The following MCPH1 variants were observed in gnomAD, a reference collection of about 807,000 sequenced individuals.
MCPH1 encodes microcephalin 1, also known as microcephalin.
A neutral mutation model predicts 84.5 loss-of-function variants in MCPH1; 104 were observed. That is an observed-to-expected ratio of 1.23 (90% CI 1.05 to 1.45). The LOEUF (loss-of-function observed/expected upper bound fraction) is 1.45, where lower values mean the gene tolerates loss of function less well. Ranked by LOEUF, MCPH1 falls within the 40% of genes most tolerant of loss-of-function variation. The pLI, the probability that MCPH1 is intolerant of heterozygous loss-of-function variation, is 0.00. For missense variants in MCPH1, 1,498 were observed against 1,005.7 expected (o/e 1.49, Z -6.62); for synonymous variants, 514 against 366.8 (o/e 1.40, Z -4.58).
intron 12 of MCPH1, among the ~76,000 whole-genome samples, chr8:6,574,145 T>G (rs7833581): frequency 1.1e-4 from 16 of 152,166 alleles, no homozygotes; most frequent in Non-Finnish European, 1.8e-4. Flanking sequence ...CCTGCTGTAT[T>G]GGTTTGCTAA....
chr8:6,613,214 G>C (rs953417114), intron 12 of MCPH1, among the ~76,000 whole-genome samples: 1 of 152,174 alleles, frequency 6.6e-6, no homozygotes, highest in African/African-American at 2.4e-5. Flanking sequence ...CGTGAGAAAG[G>C]GCTTATAGGC....
chr8:6,522,491 G>A (rs1247736969), intron 12 of MCPH1, among the ~76,000 whole-genome samples: 1 of 151,532 alleles, frequency 6.6e-6, no homozygotes, highest in Non-Finnish European at 1.5e-5. Context: ...GGGACATTGA[G>A]GGCCAGGCTC....
chr8:6,581,781 T>G (rs966384846), intron 12 of MCPH1, among the ~76,000 whole-genome samples: 7 of 152,188 alleles, frequency 4.6e-5, no homozygotes, highest in Non-Finnish European at 1.5e-5. Context: ...GAAATTTATT[T>G]CTCACAGTTC....
chr8:6,406,976 C>T (rs538728119), intron 1 of MCPH1: 1 of 488,410 alleles, frequency 2.0e-6, no homozygotes, highest in East Asian at 4.1e-5. Flanking sequence ...CTTCCTCCCC[C>T]GTACTGCTTG....
At chr8:6,561,396 A>G (rs758114374) in intron 12 of MCPH1, among the ~76,000 whole-genome samples, 7 of 152,236 alleles carry the variant, frequency 4.6e-5, no homozygotes, top group Non-Finnish European at 7.3e-5. Context: ...ATTTAAGCTC[A>G]TGACTCAAAT....
At chr8:6,628,812 G>A (rs188618212) in intron 13 of MCPH1, among the ~76,000 whole-genome samples, 9 of 152,320 alleles carry the variant, frequency 5.9e-5, no homozygotes, top group Admixed American at 1.3e-4. Context: ...AAACTTCAAA[G>A]CTCAACCTCC....
chr8:6,522,392 C>T (rs1388833353), intron 12 of MCPH1, among the ~76,000 whole-genome samples: 1 of 151,408 alleles, frequency 6.6e-6, no homozygotes, highest in Non-Finnish European at 1.5e-5. Flanking sequence ...CTTAGACTAG[C>T]GCCTGTCATA....
In MCPH1 at chr8:6,546,720, C is replaced by G. The variant is rs550705539; in HGVS notation, c.2214+46791C>G. On this transcript the variant is annotated intron_variant, in intron 12 of 13. Transcript: ENST00000344683. ...CCCATGAGCTGAGAAAGTTTGAGAA[C>G]AACTAGCCTAGAAGCTTGCACTTGG... Among the ~76,000 whole-genome samples the G allele has an allele frequency of 3.2e-4, 48 of 152,276 alleles. 1 individual carries two copies. The South Asian group carries it at 1.0e-2, about 32-fold the overall frequency.
chr8:6,542,962 G>T (rs1371756835), intron 12 of MCPH1, among the ~76,000 whole-genome samples: 1 of 152,140 alleles, frequency 6.6e-6, no homozygotes, highest in Non-Finnish European at 1.5e-5. Flanking sequence ...TTATAAGGCC[G>T]GCAGGAAGCG....
Position 6,621,461 on chromosome 8 carries a change from G to C in MCPH1, c.2222G>C (p.Arg741Pro). 6.2e-7 allele frequency: 1 copy of C among 1,613,964 alleles called. No individual in the cohort carries two copies. The highest frequency in any genetic ancestry group is 8.5e-7 in the Non-Finnish European group (1 of 1,179,972). Residue 741 changes from arginine to proline, a missense_variant, in exon 13 of 14, where the codon CGA becomes CCA. Arg to Pro is a moderately radical substitution (Grantham distance 103, BLOSUM62 -2). Coordinates refer to ENST00000344683, the MANE Select transcript of MCPH1 (RefSeq NM_024596.5). ...TCTCTGTCTGCCCCACAGCTGTGCC[G>C]AAGCGAGTGCCACTTGTCTGCAGGG... ...SHHFPAAPLC[R>P]SECHLSAGPY...
intron 8 of MCPH1, chr8:6,446,496 A>G (rs1804395472): frequency 1.0e-6 from 1 of 984,642 alleles, no homozygotes. Flanking sequence ...GAATGAAAAT[A>G]ATTTTATGTT....
intron 11 of MCPH1, among the ~76,000 whole-genome samples, chr8:6,495,401 C>A (rs578090588): frequency 6.6e-6 from 1 of 152,186 alleles, no homozygotes; most frequent in Non-Finnish European, 1.5e-5. Context: ...GTGCTTTTAA[C>A]CAGTATGTTA....
intron 12 of MCPH1, chr8:6,527,697 T>C (rs752907984): frequency 6.3e-7 from 1 of 1,576,312 alleles, no homozygotes; most frequent in Non-Finnish European, 8.6e-7. Context: ...CAAAATGAAG[T>C]TCCTATTAAT....
At chr8:6,610,897 T>C (rs1288579870) in intron 12 of MCPH1, among the ~76,000 whole-genome samples, 12 of 152,140 alleles carry the variant, frequency 7.9e-5, no homozygotes, top group Admixed American at 7.9e-4. Context: ...TGTTTCATAT[T>C]ACAAAATTGA....
intron 12 of MCPH1, among the ~76,000 whole-genome samples, chr8:6,549,941 G>C (rs552824510): frequency 3.9e-5 from 6 of 152,242 alleles, no homozygotes; most frequent in Non-Finnish European, 8.8e-5. Context: ...TCGAGTCTGA[G>C]CTAGCTATAG....
intron 3 of MCPH1, among the ~76,000 whole-genome samples, chr8:6,422,254 A>C (rs1013375074): frequency 4.5e-4 from 68 of 152,224 alleles, no homozygotes; most frequent in African/African-American, 1.4e-3. Flanking sequence ...CTCAGTAAAT[A>C]TTTGTTCTAA....
intron 9 of MCPH1, among the ~76,000 whole-genome samples, chr8:6,467,371 A>C (rs1807108440): frequency 6.6e-6 from 1 of 152,094 alleles, no homozygotes; most frequent in African/African-American, 2.4e-5. Flanking sequence ...TCTGCTTTTC[A>C]TTTTAAAGTA....
chr8:6,612,618 C>G (rs1830383533), intron 12 of MCPH1, among the ~76,000 whole-genome samples: 1 of 152,234 alleles, frequency 6.6e-6, no homozygotes, highest in African/African-American at 2.4e-5. Flanking sequence ...CGGGCCTGCT[C>G]CGGCTCTCTC....
At chr8:6,523,759 T>G (rs894706426) in intron 12 of MCPH1, among the ~76,000 whole-genome samples, 4 of 152,182 alleles carry the variant, frequency 2.6e-5, no homozygotes, top group Non-Finnish European at 5.9e-5. Context: ...AGCTAATTTT[T>G]TGTATTTTTA....
Sources: gnomAD v4.1 joint callset for allele counts (sites outside exome capture counted in the v4.1 genomes callset) on GRCh38, gnomAD v4.1.1 for gene constraint, MANE v1.5 for transcripts, NCBI Gene and HGNC (gene_info 2026-07-23, HGNC 2026-07-21) for gene names.